Variants in SEC16B observed in about 807,000 individuals in gnomAD.
SEC16B encodes protein transport protein Sec16B.
Under a neutral mutation model 141.8 loss-of-function variants are expected in SEC16B, and 115 were observed. The observed-to-expected ratio is 0.81, with a 90% CI of 0.70 to 0.95. The LOEUF (loss-of-function observed/expected upper bound fraction) is 0.95. Among genes scored for constraint, SEC16B ranks in the 40% least tolerant of loss-of-function variants. The pLI, the probability that SEC16B is intolerant of heterozygous loss-of-function variation, is 0.00. For missense variants in SEC16B, 1,291 were observed against 1,312.3 expected, an observed-to-expected ratio of 0.98 and a Z score of 0.25; for synonymous variants, 493 against 492.5, an observed-to-expected ratio of 1.00 and a Z score of -0.01.
chr1:177,948,922 T>TACACACACAC (rs71108020), intron 12 of SEC16B, among the ~76,000 whole-genome samples: 2 of 149,264 alleles, frequency 1.3e-5, no homozygotes, highest in Admixed American at 6.7e-5. Context: ...TAGGTATAAA[T>TACACACACAC]ACACACACAC....
chr1:177,968,005 G>T lies in SEC16B; in HGVS notation c.-24C>A, dbSNP rs757267735. 3.8e-6 allele frequency: 6 copies of T among 1,575,280 alleles called. No homozygotes were observed. Among genetic ancestry groups the T allele is most frequent in the Non-Finnish European group, 5.2e-6 (6 of 1,156,302 alleles). On this transcript the variant is annotated 5_prime_UTR_variant, in exon 2 of 26. Transcript: ENST00000308284. The stretch of plus-strand genomic sequence containing the variant: ...ATCCTTGACTCTCTGAATTTGTCCT[G>T]GGTTTTGAGTAAGTTGTGCAGTTAT...
chr1:177,932,709 G>A lies in SEC16B; in HGVS notation c.2921C>T (p.Ser974Phe), dbSNP rs1301516190. ...SPPLPDVSAF[S>F]RGRGGGEGRG... ...TGAGGTGACGGTACCTCTGCCCCTG[G>A]AGAAGGCACTAACATCCGGCAGAGG... Residue 974 changes from serine (S) to phenylalanine (F), a missense_variant, in exon 23 of 26, where the codon TCC (serine) becomes TTC (phenylalanine). This residue lies in a region of SEC16B where 605 missense variants were observed against 614.1 expected (regional missense o/e 0.99). Transcript: ENST00000308284. 6.3e-7 allele frequency: 1 copy of A among 1,593,482 alleles called. No homozygotes were observed. The highest frequency in any genetic ancestry group is 1.2e-5 in the South Asian group (1 of 86,316).
chr1:177,937,612 G>T, intron 18 of SEC16B, 99 bp from the exon 19 acceptor site: 1 of 1,092,346 alleles, frequency 9.2e-7, no homozygotes, highest in Non-Finnish European at 1.3e-6. Context: ...TCTTTGGAAA[G>T]CAGTCACAAG....
At chr1:177,931,296 A>G (rs757433121) in intron 24 of SEC16B, among the ~76,000 whole-genome samples, 2 of 152,236 alleles carry the variant, frequency 1.3e-5, no homozygotes, top group Non-Finnish European at 2.9e-5. Flanking sequence ...GCCGGAGTCC[A>G]TTATTCTAAG....
In SEC16B at chr1:177,960,935, G is replaced by A; in HGVS notation, c.792C>T (p.Val264=). 1 of 1,613,830 alleles carries A rather than the reference G, an allele frequency of 6.2e-7. No individual in the cohort carries two copies. Among genetic ancestry groups the A allele is most frequent in the Non-Finnish European group, 8.5e-7 (1 of 1,179,796 alleles). ...SAAWSPVQAD[V]SSAGPKAPMK... is the part of the protein sequence containing the mutation. ...TGGGTGCTTTGGGACCAGCTGAGGA[G>A]ACATCTTCTGACCAACAGACACAGA... Residue 264 remains valine, a synonymous_variant, in exon 7 of 26, where the codon GTC becomes GTT. Coordinates refer to ENST00000308284, the MANE Select transcript of SEC16B (RefSeq NM_033127.4).
chr1:177,945,020 T>C (rs1254757289), intron 14 of SEC16B, among the ~76,000 whole-genome samples: 1 of 152,182 alleles, frequency 6.6e-6, no homozygotes, highest in African/African-American at 2.4e-5. Flanking sequence ...CACAGAGAGC[T>C]GGCCCCCATG....
chr1:177,944,862 CCTT>C (rs1239037118), intron 14 of SEC16B, among the ~76,000 whole-genome samples, 196 bp from the exon 15 acceptor site: 5 of 152,218 alleles, frequency 3.3e-5, no homozygotes, highest in Admixed American at 2.0e-4. Flanking sequence ...CCCTCTCCCT[CCTT>C]GAGGCTGAGG....
At chr1:177,980,104 A>C (rs1454276534) in intron 1 of SEC16B, among the ~76,000 whole-genome samples, 1 of 152,164 alleles carries the variant, frequency 6.6e-6, no homozygotes, top group African/African-American at 2.4e-5. Flanking sequence ...TGCTTCTGTG[A>C]TGTAGTTTCT....
intron 19 of SEC16B, 21 bp downstream of exon 19, chr1:177,937,193 A>C: frequency 6.3e-7 from 1 of 1,582,978 alleles, no homozygotes; most frequent in South Asian, 1.2e-5. Context: ...CAATGTGGCC[A>C]CCCTAGCGGC....
At chr1:177,945,970 G>A (rs1483186432) in intron 14 of SEC16B, 1 of 269,922 alleles carries the variant, frequency 3.7e-6, no homozygotes, top group African/African-American at 2.2e-5. Context: ...CCAAGTCATT[G>A]TAGGGATGCT....
intron 2 of SEC16B, among the ~76,000 whole-genome samples, chr1:177,966,469 C>T (rs1003517537): frequency 6.6e-6 from 1 of 152,112 alleles, no homozygotes; most frequent in Non-Finnish European, 1.5e-5. Context: ...AGTCTGATTA[C>T]TTTTATTGCC....
At chr1:177,966,799 T>A (rs1220866564) in intron 2 of SEC16B, among the ~76,000 whole-genome samples, 1 of 152,160 alleles carries the variant, frequency 6.6e-6, no homozygotes, top group Non-Finnish European at 1.5e-5. Flanking sequence ...GGTCTCGAAC[T>A]CCCAACCTCA....
chr1:177,954,209 C>T, intron 11 of SEC16B, 70 bp downstream of exon 11: 2 of 1,160,700 alleles, frequency 1.7e-6, no homozygotes, highest in South Asian at 2.7e-5. Context: ...TTTCTCCACA[C>T]CCTCATCCTC....
In SEC16B at chr1:177,958,818, C is replaced by T. The variant is rs371724605; in HGVS notation, c.1134+22G>A. ...ACTTAAATTTCAGCCTGCACCTGCT[C>T]TCCCACCAGAACAGAACTTACCCCA... On this transcript the variant is annotated intron_variant, in intron 9 of 25. Coordinates refer to ENST00000308284, the MANE Select transcript of SEC16B (RefSeq NM_033127.4). 4 of 1,601,770 alleles carry T rather than the reference C, an allele frequency of 2.5e-6. No homozygotes were observed. In the East Asian group the frequency reaches 9.0e-5, roughly 36 times the overall value.
chr1:177,941,429 G>A (rs1242435798), intron 16 of SEC16B, among the ~76,000 whole-genome samples: 1 of 152,030 alleles, frequency 6.6e-6, no homozygotes, highest in Non-Finnish European at 1.5e-5. Context: ...CTTGATTGTT[G>A]TTTTCTTTCC....
chr1:177,958,775 C>T, intron 9 of SEC16B, 65 bp downstream of exon 9: 5 of 1,524,416 alleles, frequency 3.3e-6, no homozygotes, highest in Non-Finnish European at 4.4e-6. Context: ...TAAACATAAT[C>T]TTATCTATCC....
intron 15 of SEC16B, among the ~76,000 whole-genome samples, chr1:177,943,750 AG>A (rs1266628232): frequency 6.6e-6 from 1 of 152,224 alleles, no homozygotes; most frequent in Non-Finnish European, 1.5e-5. Flanking sequence ...CGCCGAAAGC[AG>A]TTGCTGTGTG....
chr1:177,943,106 C>G (rs964995762), intron 15 of SEC16B, among the ~76,000 whole-genome samples: 3 of 152,140 alleles, frequency 2.0e-5, no homozygotes, highest in African/African-American at 7.2e-5. Context: ...GCCACAATGC[C>G]AGGCACGCAG....
Position 177,948,296 on chromosome 1 carries a change from G to A in SEC16B, c.1546-354C>T, listed in dbSNP as rs914660725. ...TCAGAAAAACCCTGAGGCTTCAGTG[G>A]GAGAAGGAAGATCAAACATCCTTGG... is the stretch of plus-strand genomic sequence containing the variant. On this transcript the variant is annotated intron_variant, in intron 12 of 25. Coordinates refer to ENST00000308284, the MANE Select transcript of SEC16B (RefSeq NM_033127.4). The A allele has an allele frequency of 4.8e-6, 6 of 1,251,486 alleles. No individual in the cohort carries two copies. The African/African-American group carries it at 6.2e-5, about 13-fold the overall frequency. 77.5% of individuals were successfully genotyped at this position (1,251,486 alleles called of 1,614,324 possible).
Sources: allele counts gnomAD v4.1 joint callset (sites outside exome capture counted in the v4.1 genomes callset), GRCh38; gene constraint gnomAD v4.1.1; regional missense constraint gnomAD v4.1.1; transcripts MANE v1.5; gene names NCBI Gene and HGNC (gene_info 2026-07-23, HGNC 2026-07-21).